The following PCDHGA12 variants were observed in gnomAD, a reference collection of about 807,000 sequenced individuals.
PCDHGA12 encodes the protein protocadherin gamma subfamily A, 12.
Under a neutral mutation model 61.1 loss-of-function variants are expected in PCDHGA12, and 43 were observed. The observed-to-expected ratio is 0.70, with a 90% CI of 0.55 to 0.91. The LOEUF (loss-of-function observed/expected upper bound fraction) is 0.91. Among genes scored for constraint, PCDHGA12 ranks in the 40% least tolerant of loss-of-function variants. PCDHGA12 has a pLI of 0.00. For synonymous variants in PCDHGA12, 520 were observed against 542.9 expected (o/e 0.96, Z 0.59); for missense variants, 1,236 against 1,227.7 (o/e 1.01, Z -0.10).
chr5:141,498,265 T>G (rs2099782779), intron 2 of PCDHGA12, among the ~76,000 whole-genome samples: 2 of 152,010 alleles, frequency 1.3e-5, no homozygotes, highest in Non-Finnish European at 2.9e-5. Context: ...TGTTGAGTTC[T>G]TCAGTAAACT....
chr5:141,448,803 G>A (rs2098607666), intron 1 of PCDHGA12, among the ~76,000 whole-genome samples: 2 of 152,020 alleles, frequency 1.3e-5, no homozygotes, highest in South Asian at 4.1e-4. Flanking sequence ...AAATTAGCCA[G>A]GCGTGATGGC....
In PCDHGA12 at chr5:141,490,175, A is replaced by C; in HGVS notation, c.2425-4632A>C. The C allele has an allele frequency of 1.9e-6, 3 of 1,614,194 alleles. No homozygotes were observed. Among genetic ancestry groups the C allele is most frequent in the East Asian group, 4.5e-5 (2 of 44,884 alleles). On this transcript the variant is annotated intron_variant, in intron 1 of 3. Coordinates refer to ENST00000252085, the MANE Select transcript of PCDHGA12 (RefSeq NM_003735.3). This position sits in a 1 kb window ranked among gnomAD's most constrained non-coding sequence, Gnocchi z 5.4. ...GTGTTGGGTCCCATAGACTTTGAGG[A>C]GTCACGTTTCTATGAAATTCATGCA...
rs201391904 is a variant in PCDHGA12, at chr5:141,494,843, G to A, written c.2461G>A (p.Ala821Thr). Residue 821 changes from alanine to threonine, a missense_variant, in exon 2 of 4, where the codon GCC becomes ACC. Transcript: ENST00000252085. ...PPNTDWRFSQ[A>T]QRPGTSGSQN... is the part of the protein sequence containing the mutation. ...CAACACGGACTGGCGTTTCTCTCAG[G>A]CCCAGAGACCCGGCACCAGCGGGTA... 1.9e-6 allele frequency: 3 copies of A among 1,614,088 alleles called. No homozygotes were observed. Among genetic ancestry groups the A allele is most frequent in the Admixed American group, 3.3e-5 (2 of 60,008 alleles).
Position 141,490,351 on chromosome 5 carries a change from T to C in PCDHGA12, c.2425-4456T>C. Reference sequence around the variant, plus strand: ...CACACCAGTGGGCACAGTAGTGGGGTTGTTTAATGTGCGAGACCGGGACTC... The same window carrying C: ...CACACCAGTGGGCACAGTAGTGGGGCTGTTTAATGTGCGAGACCGGGACTC... On this transcript the variant is annotated intron_variant, in intron 1 of 3. Transcript: ENST00000252085. The surrounding 1 kb of genome is among the most constrained non-coding windows in gnomAD (Gnocchi z 5.4). 6.2e-7 allele frequency: 1 copy of C among 1,614,028 alleles called. No individual in the cohort carries two copies. The highest frequency in any genetic ancestry group is 1.3e-5 in the African/African-American group (1 of 74,976).
chr5:141,451,676 G>A (rs1363843426), intron 1 of PCDHGA12, among the ~76,000 whole-genome samples: 1 of 152,142 alleles, frequency 6.6e-6, no homozygotes, highest in African/African-American at 2.4e-5. Flanking sequence ...GAGCCCAGGA[G>A]TTCAAGACCA....
chr5:141,511,049 G>A lies in PCDHGA12; in HGVS notation c.2675G>A (p.Arg892His), dbSNP rs61749029. 408 of 1,614,098 alleles carry A rather than the reference G, an allele frequency of 2.5e-4. No individual in the cohort carries two copies. Among genetic ancestry groups the A allele is most frequent in the South Asian group, 7.2e-4 (66 of 91,094 alleles). Residue 892 changes from arginine (R) to histidine (H), a missense_variant, in exon 4 of 4, where the codon CGC becomes CAC. Transcript: ENST00000252085. ...QFTLQHVPDY[R>H]QNVYIPGSNA... ...ACCCTGCAGCACGTGCCCGACTACC[G>A]CCAGAATGTCTACATCCCAGGCAGC...
rs2154555227 is a variant in PCDHGA12, at chr5:141,432,737, C to G, written c.1978C>G (p.Leu660Val). Reference protein sequence around the residue: ...GQPPLSATVTLTVAVADSIPQ... With the variant: ...GQPPLSATVTVTVAVADSIPQ... ...GCCCCCTCTCTCCGCCACTGTCACG[C>G]TCACCGTGGCCGTGGCCGACAGCAT... Residue 660 changes from leucine to valine, a missense_variant, in exon 1 of 4, where the codon CTC becomes GTC. Coordinates refer to ENST00000252085, the MANE Select transcript of PCDHGA12 (RefSeq NM_003735.3). This position sits in a 1 kb window ranked among gnomAD's most constrained non-coding sequence, Gnocchi z 6.0. 6.2e-7 allele frequency: 1 copy of G among 1,614,110 alleles called. No homozygotes were observed. The highest frequency in any genetic ancestry group is 8.5e-7 in the Non-Finnish European group (1 of 1,180,002).
rs1436956912 is a variant in PCDHGA12, at chr5:141,438,609, TATATATATATATATATATATATATATAC to T, written c.2424+5428_2424+5455del. Reference sequence around the variant, plus strand: ...ATACATACATATATATATATATATATATATATATATATATATATATATATATACACACACACACACACATATATGTATA... The same window carrying T: ...ATACATACATATATATATATATATATACACACACACACACATATATGTATA... On this transcript the variant is annotated intron_variant, in intron 1 of 3. Coordinates refer to ENST00000252085, the MANE Select transcript of PCDHGA12 (RefSeq NM_003735.3). Among the ~76,000 whole-genome samples the T allele has an allele frequency of 2.2e-3, 92 of 41,082 alleles. 2 individuals are homozygous for T. Among genetic ancestry groups the T allele is most frequent in the East Asian group, 7.4e-3 (6 of 810 alleles). The allele number at this position is 41,082 out of a possible 152,430, so 27.0% of individuals were successfully genotyped here.
chr5:141,476,929 G>T lies in PCDHGA12; in HGVS notation c.2425-17878G>T, dbSNP rs1375082202. 6.2e-7 allele frequency: 1 copy of T among 1,614,136 alleles called. No homozygotes were observed. Among genetic ancestry groups the T allele is most frequent in the Admixed American group, 1.7e-5 (1 of 60,034 alleles). On this transcript the variant is annotated intron_variant, in intron 1 of 3. Transcript: ENST00000252085. This position sits in a 1 kb window ranked among gnomAD's most constrained non-coding sequence, Gnocchi z 7.6. ...TGGTACAAGTCCTTGCAACGGATCT[G>T]GATGAAGGCCCCAACGGTGAAATTA...
At chr5:141,479,476 G>A (rs1481785254) in intron 1 of PCDHGA12, 1 of 152,250 alleles carries the variant, frequency 6.6e-6, no homozygotes, top group African/African-American at 2.4e-5. Context: ...CCTCTTGGGA[G>A]GGCAGGACCA....
intron 1 of PCDHGA12, among the ~76,000 whole-genome samples, chr5:141,438,641 C>T (rs1285585706): frequency 0.044 from 3,509 of 79,018 alleles, 123 homozygotes; most frequent in Non-Finnish European, 0.061. Flanking sequence ...TATATACACA[C>T]ACACACACAC....
chr5:141,509,787 TCTC>T (rs2099878266), intron 3 of PCDHGA12, among the ~76,000 whole-genome samples: 1 of 152,132 alleles, frequency 6.6e-6, no homozygotes, highest in Non-Finnish European at 1.5e-5. Context: ...GAGATCATCA[TCTC>T]CTCAGCTTCA....
intron 1 of PCDHGA12, among the ~76,000 whole-genome samples, chr5:141,438,633 T>C (rs1222106413): frequency 2.9e-5 from 1 of 34,046 alleles, no homozygotes; most frequent in Non-Finnish European, 5.1e-5. Context: ...TATATATATA[T>C]ATACACACAC....
chr5:141,501,789 C>T (rs367954511), intron 2 of PCDHGA12, among the ~76,000 whole-genome samples: 1 of 152,262 alleles, frequency 6.6e-6, no homozygotes, highest in South Asian at 2.1e-4. Context: ...TCTCCCTCTG[C>T]TCATCTCTTA....
intron 1 of PCDHGA12, among the ~76,000 whole-genome samples, chr5:141,468,946 C>G: frequency 7.0e-6 from 1 of 141,900 alleles, no homozygotes; most frequent in Non-Finnish European, 1.5e-5. Context: ...ATGGGGTAAA[C>G]CTGTGGTTTT....
chr5:141,475,990 A>T, intron 1 of PCDHGA12: 1 of 1,140,672 alleles, frequency 8.8e-7, no homozygotes, highest in Non-Finnish European at 1.2e-6. Context: ...CGGCGAGCAA[A>T]TCAACGGCAT....
At chr5:141,469,770 A>G (rs1003620088) in intron 1 of PCDHGA12, among the ~76,000 whole-genome samples, 4 of 152,234 alleles carry the variant, frequency 2.6e-5, no homozygotes, top group Non-Finnish European at 5.9e-5. Flanking sequence ...ATACCAGCTT[A>G]TTTATTACAG....
At chr5:141,459,814 T>A (rs757306281) in intron 1 of PCDHGA12, among the ~76,000 whole-genome samples, 2 of 152,256 alleles carry the variant, frequency 1.3e-5, no homozygotes, top group African/African-American at 4.8e-5. Context: ...CTAGAGACAC[T>A]GAGCAACTTT....
chr5:141,496,163 A>T (rs1249396595), intron 2 of PCDHGA12, among the ~76,000 whole-genome samples: 2 of 150,100 alleles, frequency 1.3e-5, no homozygotes, highest in Non-Finnish European at 3.0e-5. Flanking sequence ...TCCACCAGAC[A>T]CCCTCCCATC....
Sources: allele counts gnomAD v4.1 joint callset (sites outside exome capture counted in the v4.1 genomes callset), GRCh38; gene constraint gnomAD v4.1.1; non-coding constraint Gnocchi (gnomAD v3.1); transcripts MANE v1.5; gene names NCBI Gene and HGNC (gene_info 2026-07-23, HGNC 2026-07-21).